SHCBP1L: variants seen among roughly 807,000 people sequenced by gnomAD.
SHCBP1L encodes SHC binding and spindle associated 1 like.
In SHCBP1L, 67 loss-of-function variants were observed where a neutral mutation model predicts 62.5. The observed-to-expected ratio is 1.07, with a 90% confidence interval of 0.88 to 1.31. The LOEUF is 1.31. Ranked by LOEUF, SHCBP1L falls within the 40% of genes most tolerant of loss-of-function variation. The pLI is 0.00. For synonymous variants in SHCBP1L, 284 were observed against 289.4 expected (o/e 0.98, Z 0.19); for missense variants, 823 against 809.8 (o/e 1.02, Z -0.20).
Position 182,939,528 on chromosome 1 carries a change from C to G in SHCBP1L, c.796G>C (p.Asp266His), listed in dbSNP as rs988999207. ...VRFFYDFLWR[D>H]WDDEESCENY... ...TCACAACTTTCTTCATCATCCCAGT[C>G]TCTCCAAAGAAAGTCATAAAAAAAC... The change falls in exon 4 of 10, where the codon GAC becomes CAC. Residue 266 changes from aspartate to histidine, a missense_variant. Transcript: ENST00000367547. 96 of 1,606,046 alleles carry G rather than the reference C, an allele frequency of 6.0e-5. No homozygotes were observed. Among genetic ancestry groups the G allele is most frequent in the Non-Finnish European group, 8.0e-5 (94 of 1,176,974 alleles).
At chr1:182,947,597 C>T (rs1232631905) in intron 2 of SHCBP1L, among the ~76,000 whole-genome samples, 2 of 152,232 alleles carry the variant, frequency 1.3e-5, no homozygotes, top group Non-Finnish European at 2.9e-5. Context: ...ACCCTAGTGA[C>T]AGCAGGACCA....
chr1:182,937,767 C>A (rs1272398639), intron 5 of SHCBP1L, among the ~76,000 whole-genome samples: 1 of 152,156 alleles, frequency 6.6e-6, no homozygotes, highest in African/African-American at 2.4e-5. Flanking sequence ...TCTTTAAACT[C>A]ATTATTAATT....
chr1:182,905,776 T>A, intron 6 of SHCBP1L, 127 bp from the exon 7 acceptor site: 14 of 799,716 alleles, frequency 1.8e-5, no homozygotes, highest in Non-Finnish European at 2.5e-5. Flanking sequence ...CTAGCATTTA[T>A]TAAATGCTCA....
chr1:182,930,727 ATTTTT>A (rs71127328), intron 5 of SHCBP1L, among the ~76,000 whole-genome samples: 4 of 20,942 alleles, frequency 1.9e-4, no homozygotes, highest in Non-Finnish European at 3.4e-4. Context: ...ATATATATGT[ATTTTT>A]TTTTTTTTTT....
chr1:182,944,121 A>AAAATAAATAAATAAATAAATAAATAAAT (rs147108848), intron 2 of SHCBP1L, among the ~76,000 whole-genome samples: 121 of 134,096 alleles, frequency 9.0e-4, no homozygotes, highest in East Asian at 1.4e-3. Flanking sequence ...ACTACTTCTC[A>AAAATAAATAAATAAATAAATAAATAAAT]AAATAAATAA....
Position 182,953,113 on chromosome 1 carries a change from G to A in SHCBP1L, c.21C>T (p.Ala7=). The change falls in exon 1 of 10, where the codon GCC becomes GCT. Residue 7 remains alanine (A), a synonymous_variant. Transcript: ENST00000367547. MASGSK[A]SVPADSFRTI... ...TGCGGAATGAGTCCGCGGGCACCGA[G>A]GCCTTGGAGCCCGACGCCATCTCCT... 6.3e-7 allele frequency: 1 copy of A among 1,578,028 alleles called. No homozygotes were observed. Among genetic ancestry groups the A allele is most frequent in the Non-Finnish European group, 8.5e-7 (1 of 1,170,226 alleles).
intron 2 of SHCBP1L, among the ~76,000 whole-genome samples, chr1:182,948,243 A>G (rs1413019077): frequency 6.6e-6 from 1 of 152,212 alleles, no homozygotes; most frequent in Non-Finnish European, 1.5e-5. Flanking sequence ...GTATGAATTC[A>G]TGATAGGCAT....
chr1:182,951,273 A>G, intron 2 of SHCBP1L, 45 bp downstream of exon 2: 1 of 1,402,302 alleles, frequency 7.1e-7, no homozygotes, highest in Non-Finnish European at 9.5e-7. Flanking sequence ...TAGTCTTTAA[A>G]AGAACTGATT....
intron 5 of SHCBP1L, among the ~76,000 whole-genome samples, chr1:182,936,986 CGAGGCTGCAGT>C (rs1273399994): frequency 2.0e-5 from 3 of 151,880 alleles, no homozygotes; most frequent in African/African-American, 7.3e-5. Flanking sequence ...CCTGGGAAGT[CGAGGCTGCAGT>C]GAGCCATGAT....
intron 6 of SHCBP1L, among the ~76,000 whole-genome samples, chr1:182,910,821 A>T (rs562185837): frequency 1.3e-5 from 2 of 152,202 alleles, no homozygotes; most frequent in Non-Finnish European, 2.9e-5. Context: ...GCCTCAGCTC[A>T]GAGACAATCT....
At chr1:182,931,340 C>T (rs898493151) in intron 5 of SHCBP1L, among the ~76,000 whole-genome samples, 3 of 151,920 alleles carry the variant, frequency 2.0e-5, no homozygotes, top group African/African-American at 4.8e-5. Context: ...TCATGCTATC[C>T]TAGTTTTAAA....
Position 182,905,371 on chromosome 1 carries a change from T to C in SHCBP1L, c.1336+125A>G, listed in dbSNP as rs1649978274. Reference sequence around the variant, plus strand: ...ACATGTCTTAATTATAAAATGAACATAAAGGATTTTTGTAAAACATAAATT... The same window carrying C: ...ACATGTCTTAATTATAAAATGAACACAAAGGATTTTTGTAAAACATAAATT... On this transcript the variant is annotated intron_variant, in intron 7 of 9. Transcript: ENST00000367547. 7.0e-6 allele frequency: 7 copies of C among 994,244 alleles called. No individual in the cohort carries two copies. In the South Asian group the frequency reaches 1.1e-4, roughly 15 times the overall value. The allele number at this position is 994,244 out of a possible 1,614,324, so 61.6% of individuals were successfully genotyped here. A position where few individuals can be genotyped will look rare whatever the true frequency, so the allele number is the denominator to read the frequency against.
rs768785307 is a variant in SHCBP1L, at chr1:182,953,147, C to A, written c.-14G>T. On this transcript the variant is annotated 5_prime_UTR_variant, in exon 1 of 10. Coordinates refer to ENST00000367547, the MANE Select transcript of SHCBP1L (RefSeq NM_030933.4). ...GCCCGACGCCATCTCCTCAGCAGCC[C>A]GAGGGCCGAGGCAGCCGTTGGCCAC... 4 of 1,575,016 alleles carry A rather than the reference C, an allele frequency of 2.5e-6. No homozygotes were observed. Among genetic ancestry groups the A allele is most frequent in the East Asian group, 2.3e-5 (1 of 43,600 alleles).
At chr1:182,915,332 G>A (rs1650323887) in intron 6 of SHCBP1L, among the ~76,000 whole-genome samples, 1 of 151,976 alleles carries the variant, frequency 6.6e-6, no homozygotes, top group Non-Finnish European at 1.5e-5. Context: ...TAACACAATT[G>A]TTGCTAGAGA....
chr1:182,934,749 C>T (rs532149699), intron 5 of SHCBP1L, among the ~76,000 whole-genome samples: 238 of 152,232 alleles, frequency 1.6e-3, no homozygotes, highest in Non-Finnish European at 2.1e-3. Context: ...TAAAAACCCA[C>T]TGCCAAACAC....
At chr1:182,944,121 A>AAAAGAAATAAAT in intron 2 of SHCBP1L, among the ~76,000 whole-genome samples, 1 of 134,100 alleles carries the variant, frequency 7.5e-6, no homozygotes, top group African/African-American at 2.9e-5. Flanking sequence ...ACTACTTCTC[A>AAAAGAAATAAAT]AAATAAATAA....
intron 6 of SHCBP1L, among the ~76,000 whole-genome samples, chr1:182,914,559 C>T (rs1436040335): frequency 3.9e-5 from 6 of 151,950 alleles, no homozygotes; most frequent in Admixed American, 1.3e-4. Flanking sequence ...CAAACTCAAT[C>T]GTTATAAATG....
chr1:182,948,061 AAT>A (rs746335386), intron 2 of SHCBP1L, among the ~76,000 whole-genome samples: 22 of 152,224 alleles, frequency 1.4e-4, no homozygotes, highest in Non-Finnish European at 3.1e-4. Context: ...TGACATACAA[AAT>A]ATGTTAATCA....
At chr1:182,944,622 T>G (rs556761055) in intron 2 of SHCBP1L, 4 of 152,344 alleles carry the variant, frequency 2.6e-5, no homozygotes, top group Non-Finnish European at 1.5e-5. Flanking sequence ...TTGACATTTA[T>G]ATCTTTATCT....
Sources: gnomAD v4.1 joint callset for allele counts (sites outside exome capture counted in the v4.1 genomes callset) on GRCh38, gnomAD v4.1.1 for gene constraint, MANE v1.5 for transcripts, NCBI Gene and HGNC (gene_info 2026-07-23, HGNC 2026-07-21) for gene names.